PRKCQ: variants seen among roughly 807,000 people sequenced by gnomAD.
The protein encoded by PRKCQ is protein kinase C theta.
In PRKCQ, 41 loss-of-function variants were observed where a neutral mutation model predicts 91.2. That is an observed-to-expected ratio of 0.45 (90% CI 0.35 to 0.58). PRKCQ has a LOEUF of 0.58. PRKCQ is among the 20% of genes least tolerant of loss of function. The probability of loss-of-function intolerance (pLI) is 0.00; values close to 1 mark genes in which losing one functional copy is unlikely to be tolerated. For synonymous variants in PRKCQ, 307 were observed against 316.9 expected, an observed-to-expected ratio of 0.97 and a Z score of 0.33; for missense variants, 673 against 896.5, an observed-to-expected ratio of 0.75 and a Z score of 3.18.
intron 11 of PRKCQ, among the ~76,000 whole-genome samples, chr10:6,481,996 CTT>C (rs143551186): frequency 3.0e-4 from 43 of 141,772 alleles, no homozygotes; most frequent in African/African-American, 4.6e-4. Context: ...CTCACCTCCC[CTT>C]TTTTTTTTTT....
intron 7 of PRKCQ, among the ~76,000 whole-genome samples, chr10:6,493,455 C>A (rs1168586978): frequency 6.6e-6 from 1 of 152,150 alleles, no homozygotes; most frequent in Admixed American, 6.5e-5. Context: ...CTATTTATTT[C>A]TATCGGACAA....
intron 1 of PRKCQ, among the ~76,000 whole-genome samples, chr10:6,561,671 T>TA (rs1840639067): frequency 6.6e-6 from 1 of 152,182 alleles, no homozygotes; most frequent in Admixed American, 6.5e-5. Flanking sequence ...AACGGCTCCA[T>TA]AAAGTTGAAG....
chr10:6,470,510 C>A (rs1426920729), intron 12 of PRKCQ, among the ~76,000 whole-genome samples: 1 of 152,174 alleles, frequency 6.6e-6, no homozygotes, highest in Non-Finnish European at 1.5e-5. Context: ...AGGAAGAAAT[C>A]GTTGCTAGGA....
At chr10:6,457,409 C>T (rs977432713) in intron 14 of PRKCQ, among the ~76,000 whole-genome samples, 1 of 152,156 alleles carries the variant, frequency 6.6e-6, no homozygotes, top group Non-Finnish European at 1.5e-5. Context: ...ACCTATTGGT[C>T]CAAGGGGGCT....
chr10:6,413,041 C>T, the PRKCQ span, among the ~76,000 whole-genome samples: 17 of 152,196 alleles, frequency 1.1e-4, no homozygotes, highest in Non-Finnish European at 2.4e-4. Flanking sequence ...CAAGCTCCGC[C>T]TCCTGGGTTC....
chr10:6,454,354 T>G (rs1834893812), intron 15 of PRKCQ, among the ~76,000 whole-genome samples: 1 of 152,164 alleles, frequency 6.6e-6, no homozygotes, highest in Admixed American at 6.5e-5. Context: ...TGTTCTGCAC[T>G]AGGGTAACAG....
intron 3 of PRKCQ, among the ~76,000 whole-genome samples, chr10:6,509,673 T>C (rs1482087467): frequency 6.6e-6 from 1 of 152,090 alleles, no homozygotes. Context: ...CCTCCCAAAG[T>C]GCTGGGATTA....
intron 1 of PRKCQ, among the ~76,000 whole-genome samples, chr10:6,554,294 C>T (rs1840324457): frequency 6.6e-6 from 1 of 152,168 alleles, no homozygotes; most frequent in Non-Finnish European, 1.5e-5. Flanking sequence ...AGAGAGAACT[C>T]TCCAGCAGTA....
chr10:6,491,586 T>G, intron 8 of PRKCQ, 97 bp downstream of exon 8: 4 of 1,497,994 alleles, frequency 2.7e-6, no homozygotes, highest in Non-Finnish European at 2.7e-6. Flanking sequence ...GGTGTGGAAG[T>G]GGTACCCCCT....
At chr10:6,561,314 T>C (rs1169382837) in intron 1 of PRKCQ, among the ~76,000 whole-genome samples, 2 of 136,796 alleles carry the variant, frequency 1.5e-5, no homozygotes, top group Non-Finnish European at 3.0e-5. Context: ...GCAGCCTACA[T>C]TGAGCTGAGA....
rs1564354421 is a variant in PRKCQ, at chr10:6,498,573, A to G, written c.380-15T>C. The G allele has an allele frequency of 3.1e-6, 5 of 1,611,672 alleles. No homozygotes were observed. In the South Asian group the frequency reaches 5.5e-5, roughly 18 times the overall value. On this transcript the variant is annotated splice_polypyrimidine_tract_variant and intron_variant, in intron 4 of 17. Transcript: ENST00000263125. The stretch of plus-strand genomic sequence containing the variant: ...GTCCTTTGTGTCTACAGGAAGAGAG[A>G]GGGGAAGAAAGTGAAGTTCTGCAAA...
chr10:6,491,814 TGAAA>T lies in PRKCQ; in HGVS notation c.661-6_661-3del, dbSNP rs759313258. The T allele has an allele frequency of 2.5e-6, 4 of 1,614,202 alleles. No individual in the cohort carries two copies. In the Admixed American group the frequency reaches 6.7e-5, roughly 27 times the overall value. On this transcript the variant is annotated splice_polypyrimidine_tract_variant and splice_region_variant and intron_variant, in intron 7 of 17. Coordinates refer to ENST00000263125, the MANE Select transcript of PRKCQ (RefSeq NM_006257.5). ...AATTTTGAATCTCTCCTTGTGGAAC[TGAAA>T]GAAAGGCAGAAGGTGAAATCTGTGT... is the stretch of plus-strand genomic sequence containing the variant.
At position 6,464,386 on chromosome 10, in the gene PRKCQ, T is replaced by A. The variant is rs1193617699; in HGVS notation, c.1372A>T (p.Met458Leu). 1.2e-6 allele frequency: 2 copies of A among 1,605,140 alleles called. No homozygotes were observed. The highest frequency in any genetic ancestry group is 1.8e-5 in the Admixed American group (1 of 56,230). Residue 458 changes from methionine (M) to leucine (L), a missense_variant, in exon 13 of 18, where the codon ATG (methionine) becomes TTG (leucine). Met to Leu is a conservative substitution (Grantham distance 15). Coordinates refer to ENST00000263125, the MANE Select transcript of PRKCQ (RefSeq NM_006257.5). ...FQTKENLFFV[M>L]EYLNGGDLMY... ...AAGTCCCCTCCGTTGAGGTACTCCA[T>A]CACAAAAAAGAGGTTTTCCTGTGGA...
At chr10:6,459,067 C>T (rs996794222) in intron 14 of PRKCQ, among the ~76,000 whole-genome samples, 8 of 152,172 alleles carry the variant, frequency 5.3e-5, no homozygotes, top group African/African-American at 1.7e-4. Context: ...GCTGGATGCA[C>T]CTGTTGAATA....
chr10:6,543,786 C>T (rs866565178), intron 1 of PRKCQ, among the ~76,000 whole-genome samples: 4 of 152,178 alleles, frequency 2.6e-5, no homozygotes, highest in Admixed American at 2.0e-4. Context: ...ACTGGGGGGT[C>T]GGCTGTACTC....
At chr10:6,553,514 AAAACAAACAAACAAAAG>A (rs1840285701) in intron 1 of PRKCQ, among the ~76,000 whole-genome samples, 2 of 146,620 alleles carry the variant, frequency 1.4e-5, no homozygotes, top group African/African-American at 5.4e-5. Context: ...AAAAAAAAAA[AAAACAAACAAACAAAAG>A]AAGAAGAAGA....
In PRKCQ at chr10:6,479,286, C is replaced by G. The variant is rs921508185; in HGVS notation, c.1180-121G>C. 1.1e-5 allele frequency: 12 copies of G among 1,136,356 alleles called. No individual in the cohort carries two copies. In the African/African-American group the frequency reaches 1.4e-4, roughly 13 times the overall value. The allele number at this position is 1,136,356 out of a possible 1,614,324, so 70.4% of individuals were successfully genotyped here. A position where few individuals can be genotyped will look rare whatever the true frequency, so the allele number is the denominator to read the frequency against. On this transcript the variant is annotated intron_variant, in intron 11 of 17. Transcript: ENST00000263125. The stretch of plus-strand genomic sequence containing the variant: ...GAAAAGGGGTTCCTTCTCCAACCCC[C>G]ATCCATCCTGCATAGGCCATTCCTG...
At chr10:6,458,865 T>C (rs1835171913) in intron 14 of PRKCQ, among the ~76,000 whole-genome samples, 1 of 152,192 alleles carries the variant, frequency 6.6e-6, no homozygotes, top group Non-Finnish European at 1.5e-5. Context: ...GATTGGAAGT[T>C]CTAGATTCTT....
the PRKCQ span, among the ~76,000 whole-genome samples, chr10:6,417,372 G>GA: frequency 2.2e-3 from 337 of 152,186 alleles, 2 homozygotes; most frequent in African/African-American, 7.6e-3. Context: ...TGCAGCACTG[G>GA]AAAAAAACCA....
Sources: allele counts gnomAD v4.1 joint callset (sites outside exome capture counted in the v4.1 genomes callset), GRCh38; gene constraint gnomAD v4.1.1; transcripts MANE v1.5; gene names NCBI Gene and HGNC (gene_info 2026-07-23, HGNC 2026-07-21).